Variants in PPP6R1 observed in about 807,000 individuals in gnomAD.
PPP6R1 encodes protein phosphatase 6 regulatory subunit 1.
PPP6R1 carries 39 observed loss-of-function variants against 104.6 expected under a neutral mutation model. That is an observed-to-expected ratio of 0.37 (90% CI 0.29 to 0.49). PPP6R1 has a LOEUF of 0.49. Ranked by LOEUF, PPP6R1 falls within the 20% of genes least tolerant of loss-of-function variation. The pLI is 0.98. For missense variants in PPP6R1, 1,181 were observed against 1,155.8 expected (o/e 1.02, Z -0.32); for synonymous variants, 549 against 479.0 (o/e 1.15, Z -1.91).
intron 17 of PPP6R1, chr19:55,232,541 A>C: frequency 3.3e-6 from 1 of 304,726 alleles, no homozygotes; most frequent in Non-Finnish European, 6.1e-6. Context: ...ACCAGCTCTC[A>C]AGCCACCTCC....
downstream of PPP6R1, chr19:55,229,191 C>A (rs189453932): frequency 2.6e-4 from 46 of 175,648 alleles, no homozygotes; most frequent in East Asian, 3.8e-3. Flanking sequence ...TCCATGAAAC[C>A]TTTCCTCATT....
At position 55,240,014 on chromosome 19, in the gene PPP6R1, G is replaced by C. The variant is rs751516737; in HGVS notation, c.1462C>G (p.Arg488Gly). ...GGACCCTCACCCTTCAGCAGCTGCC[G>C]CAGCTGCTCTGCATTGGGCCCCTTC... ...TEKGPNAEQL[R>G]QLLKELPSEQ... Residue 488 changes from arginine (R) to glycine (G), a missense_variant, in exon 12 of 24, where the codon CGG becomes GGG. By Grantham distance (125) the Arg-to-Gly change is moderately radical (BLOSUM62 -2). Around this residue, in one of 2 missense-constraint regions of PPP6R1, gnomAD observed 1,042 missense variants for 955.6 expected, o/e 1.09. Coordinates refer to ENST00000412770, the MANE Select transcript of PPP6R1 (RefSeq NM_014931.4). The C allele has an allele frequency of 6.2e-7, 1 of 1,603,708 alleles. No homozygotes were observed. The highest frequency in any genetic ancestry group is 1.3e-5 in the African/African-American group (1 of 74,732).
chr19:55,245,558 G>A lies in PPP6R1; in HGVS notation c.348C>T (p.Leu116=), dbSNP rs939535430. ...LYGFLQSTGS[L]NPLLASFFSK... ...TGAAGAAGCTGGCCAGCAGTGGGTT[G>A]AGGCTGCCGGTGCTCTGCAGGAAGC... The change falls in exon 3 of 24, where the codon CTC becomes CTT. Residue 116 remains leucine, a synonymous_variant. Coordinates refer to ENST00000412770, the MANE Select transcript of PPP6R1 (RefSeq NM_014931.4). The surrounding 1 kb of genome is among the most constrained non-coding windows in gnomAD (Gnocchi z 6.4). 2.5e-6 allele frequency: 4 copies of A among 1,611,710 alleles called. No homozygotes were observed. The highest frequency in any genetic ancestry group is 3.4e-6 in the Non-Finnish European group (4 of 1,179,130).
chr19:55,230,944 C>T (rs747708633), intron 21 of PPP6R1, 60 bp from the exon 22 acceptor site: 158 of 1,377,088 alleles, frequency 1.1e-4, no homozygotes, highest in Non-Finnish European at 1.6e-4. Flanking sequence ...TGCTGACACC[C>T]TCACATCCCA....
intron 17 of PPP6R1, chr19:55,233,106 CT>C (rs1412493645): frequency 6.6e-6 from 1 of 152,190 alleles, no homozygotes; most frequent in African/African-American, 2.4e-5. Flanking sequence ...GGATTATAAT[CT>C]CACGGGACCA....
intron 13 of PPP6R1, 26 bp from the exon 14 acceptor site, chr19:55,239,709 C>A: frequency 6.3e-7 from 1 of 1,594,346 alleles, no homozygotes. Context: ...GGCGTCAGGG[C>A]CTGCTGGAGC....
chr19:55,249,868 C>T (rs996465979), intron 1 of PPP6R1, among the ~76,000 whole-genome samples: 4 of 152,018 alleles, frequency 2.6e-5, no homozygotes, highest in Admixed American at 1.3e-4. Flanking sequence ...TTTTAAAGCA[C>T]AAACATGAGT....
chr19:55,246,775 G>T, intron 2 of PPP6R1, 102 bp downstream of exon 2: 1 of 1,148,862 alleles, frequency 8.7e-7, no homozygotes, highest in Non-Finnish European at 1.2e-6. Context: ...CCAAACTGGA[G>T]TTTACTGACA....
chr19:55,228,664 C>T (rs759416912), downstream of PPP6R1: 2 of 1,605,434 alleles, frequency 1.2e-6, no homozygotes, highest in East Asian at 2.2e-5. Flanking sequence ...TCCCCCCAGC[C>T]CCAGGCACAG....
intron 1 of PPP6R1, among the ~76,000 whole-genome samples, chr19:55,255,371 G>A (rs2087584876): frequency 6.6e-6 from 1 of 152,208 alleles, no homozygotes; most frequent in Non-Finnish European, 1.5e-5. Context: ...CAGAGTTAGG[G>A]TTACAGTGTG....
chr19:55,239,779 G>A, intron 13 of PPP6R1, 47 bp downstream of exon 13: 3 of 1,601,176 alleles, frequency 1.9e-6, no homozygotes, highest in East Asian at 2.2e-5. Context: ...ACTGGCCCAA[G>A]AGAGAGAAGC....
chr19:55,255,223 A>G (rs1201781650), intron 1 of PPP6R1, among the ~76,000 whole-genome samples: 1 of 152,250 alleles, frequency 6.6e-6, no homozygotes. Context: ...AGAGTCTAGA[A>G]ACACTGGCCA....
chr19:55,245,203 A>AG lies in PPP6R1; in HGVS notation c.553-19dup, dbSNP rs1424474094. The AG allele has an allele frequency of 3.7e-6, 6 of 1,611,170 alleles. No individual in the cohort carries two copies. Among genetic ancestry groups the AG allele is most frequent in the Non-Finnish European group, 5.1e-6 (6 of 1,178,916 alleles). On this transcript the variant is annotated intron_variant, in intron 4 of 23. Transcript: ENST00000412770. The surrounding 1 kb of genome is among the most constrained non-coding windows in gnomAD (Gnocchi z 6.4). ...TTGAGCCACTGAGGGTGAGAAGGCG[A>AG]GGGATGCATCGCTGTCCACCACGCC... is the stretch of plus-strand genomic sequence containing the variant.
chr19:55,246,689 A>G (rs896550224), intron 2 of PPP6R1, among the ~76,000 whole-genome samples, 188 bp downstream of exon 2: 1 of 152,188 alleles, frequency 6.6e-6, no homozygotes. Flanking sequence ...TCCAGAGCAC[A>G]GGCTTGGTCT....
chr19:55,250,899 G>A (rs1427510385), intron 1 of PPP6R1, among the ~76,000 whole-genome samples: 1 of 152,142 alleles, frequency 6.6e-6, no homozygotes, highest in East Asian at 1.9e-4. Flanking sequence ...CTTGCTGAAG[G>A]GAAAATCAGA....
intron 17 of PPP6R1, among the ~76,000 whole-genome samples, chr19:55,234,559 A>C (rs574087600): frequency 6.6e-6 from 1 of 152,272 alleles, no homozygotes; most frequent in East Asian, 1.9e-4. Context: ...AACTCTTAGA[A>C]GAAAAGAGAG....
Position 55,230,494 on chromosome 19 carries a change from C to A in PPP6R1, c.*34G>T. 1 of 1,612,642 alleles carries A rather than the reference C, an allele frequency of 6.2e-7. No individual in the cohort carries two copies. The highest frequency in any genetic ancestry group is 1.7e-4 in the Middle Eastern group (1 of 5,856). On this transcript the variant is annotated 3_prime_UTR_variant, in exon 24 of 24. Coordinates refer to ENST00000412770, the MANE Select transcript of PPP6R1 (RefSeq NM_014931.4). Reference sequence around the variant, plus strand: ...CCACCCCGGGAGATCCACGGGAGGACGGAAGATTTGGCCGCCGCTGCCGCA... The same window carrying A: ...CCACCCCGGGAGATCCACGGGAGGAAGGAAGATTTGGCCGCCGCTGCCGCA...
downstream of PPP6R1, chr19:55,228,505 T>C (rs752935867): frequency 3.8e-6 from 6 of 1,586,714 alleles, no homozygotes; most frequent in South Asian, 4.5e-5. Flanking sequence ...TCAGATCTCA[T>C]GGCTCCTGTC....
rs1410281673 is a variant in PPP6R1 at position 55,241,152 on chromosome 19, C to T, written c.1162-73G>A. ...AGCCCCCAACCCCTGAGCCCCCAGC[C>T]GAGCCCCCACCCCAGCCCCCGAACC... is the stretch of plus-strand genomic sequence containing the variant. On this transcript the variant is annotated intron_variant, in intron 9 of 23. Transcript: ENST00000412770. The surrounding 1 kb of genome is among the most constrained non-coding windows in gnomAD (Gnocchi z 5.4). 53 of 1,498,304 alleles carry T rather than the reference C, an allele frequency of 3.5e-5. No homozygotes were observed. Among genetic ancestry groups the T allele is most frequent in the South Asian group, 5.1e-5 (4 of 78,052 alleles). The allele number at this position is 1,498,304 out of a possible 1,614,324, so 92.8% of individuals were successfully genotyped here.
Sources: allele counts gnomAD v4.1 joint callset (sites outside exome capture counted in the v4.1 genomes callset), GRCh38; gene constraint gnomAD v4.1.1; regional missense constraint gnomAD v4.1.1; non-coding constraint Gnocchi (gnomAD v3.1); transcripts MANE v1.5; gene names NCBI Gene and HGNC (gene_info 2026-07-23, HGNC 2026-07-21).